Variants in PRKCE observed in about 807,000 individuals in gnomAD.
The protein encoded by PRKCE is protein kinase C epsilon type.
PRKCE carries 16 observed loss-of-function variants against 85.4 expected under a neutral mutation model. The ratio of observed to expected loss-of-function variants is 0.19; its 90% CI spans 0.13 to 0.28. The LOEUF is 0.28. PRKCE is among the 10% of genes least tolerant of loss of function. The pLI is 1.00. For missense variants in PRKCE, 573 were observed against 975.2 expected, an observed-to-expected ratio of 0.59 and a Z score of 5.49; for synonymous variants, 388 against 371.5, an observed-to-expected ratio of 1.04 and a Z score of -0.51.
At chr2:46,092,785 A>T (rs1001495752) in intron 11 of PRKCE, among the ~76,000 whole-genome samples, 1 of 152,170 alleles carries the variant, frequency 6.6e-6, no homozygotes, top group South Asian at 2.1e-4. Flanking sequence ...TAGTCCTGCC[A>T]TCCTGCTAGT....
chr2:45,864,113 T>G (rs571245440), intron 2 of PRKCE, among the ~76,000 whole-genome samples: 10 of 152,304 alleles, frequency 6.6e-5, no homozygotes, highest in African/African-American at 2.4e-4. Flanking sequence ...ATGCCAGGAT[T>G]CAGCCTGGGT....
At chr2:46,009,134 A>T (rs567101953) in intron 9 of PRKCE, among the ~76,000 whole-genome samples, 10 of 152,238 alleles carry the variant, frequency 6.6e-5, no homozygotes, top group Non-Finnish European at 1.0e-4. Context: ...AAGAACATAG[A>T]ACTGTTAATT....
chr2:45,908,296 G>C (rs901487366), intron 2 of PRKCE, among the ~76,000 whole-genome samples: 18 of 152,198 alleles, frequency 1.2e-4, no homozygotes, highest in African/African-American at 4.3e-4. Flanking sequence ...GAAGAAGCAA[G>C]TGCTGAAGAG....
intron 10 of PRKCE, among the ~76,000 whole-genome samples, chr2:46,072,955 C>G (rs1264850581): frequency 6.6e-6 from 1 of 152,190 alleles, no homozygotes; most frequent in East Asian, 1.9e-4. Flanking sequence ...TCTGCTGGTT[C>G]CCAAACCCCA....
chr2:46,034,893 T>G (rs1707761974), intron 10 of PRKCE, among the ~76,000 whole-genome samples: 2 of 152,278 alleles, frequency 1.3e-5, no homozygotes, highest in South Asian at 4.1e-4. Flanking sequence ...CAAACCATTC[T>G]GAGACTGCTA....
intron 2 of PRKCE, among the ~76,000 whole-genome samples, chr2:45,935,862 C>A (rs568239704): frequency 6.6e-6 from 1 of 152,090 alleles, no homozygotes; most frequent in South Asian, 2.1e-4. Context: ...TCTGGTTTGT[C>A]TGCTGTGTCT....
chr2:46,050,433 T>C (rs1708785556), intron 10 of PRKCE, among the ~76,000 whole-genome samples: 1 of 152,174 alleles, frequency 6.6e-6, no homozygotes, highest in Non-Finnish European at 1.5e-5. Flanking sequence ...CACCTTGGAG[T>C]TTAATGGGTT....
At chr2:45,696,422 C>A (rs187072783) in intron 1 of PRKCE, among the ~76,000 whole-genome samples, 10 of 152,158 alleles carry the variant, frequency 6.6e-5, no homozygotes, top group African/African-American at 1.2e-4. Flanking sequence ...GTCCCTGGGG[C>A]ATTTGGCAGG....
At chr2:45,981,814 G>C (rs1702912501) in intron 5 of PRKCE, among the ~76,000 whole-genome samples, 1 of 152,208 alleles carries the variant, frequency 6.6e-6, no homozygotes, top group African/African-American at 2.4e-5. Flanking sequence ...GAGTACACTA[G>C]TCCCTCCCTC....
chr2:45,817,572 T>C (rs1026385151), intron 1 of PRKCE, among the ~76,000 whole-genome samples: 2 of 151,982 alleles, frequency 1.3e-5, no homozygotes, highest in Non-Finnish European at 2.9e-5. Flanking sequence ...TGGGCGCCTG[T>C]AGTCCCAGCT....
intron 1 of PRKCE, among the ~76,000 whole-genome samples, chr2:45,696,095 C>G (rs748302592): frequency 1.1e-4 from 12 of 106,646 alleles, no homozygotes; most frequent in Non-Finnish European, 5.4e-5. Context: ...CCCCTCCCCC[C>G]ACCCCACAAC....
chr2:46,007,453 T>C lies in PRKCE; in HGVS notation c.1064-9T>C. On this transcript the variant is annotated splice_polypyrimidine_tract_variant and intron_variant, in intron 8 of 14. Transcript: ENST00000306156. ...CACTAATGCAATTTCTTGTTCCCCT[T>C]GGCCCTAGAAATAAAAGAACTTGAG... The C allele has an allele frequency of 6.3e-7, 1 of 1,599,680 alleles. No homozygotes were observed. Among genetic ancestry groups the C allele is most frequent in the Non-Finnish European group, 8.5e-7 (1 of 1,179,848 alleles).
At chr2:45,789,423 G>T (rs994968592) in intron 1 of PRKCE, among the ~76,000 whole-genome samples, 5 of 152,212 alleles carry the variant, frequency 3.3e-5, no homozygotes, top group African/African-American at 1.2e-4. Flanking sequence ...GGACCATAGT[G>T]AGACCTTGGC....
intron 1 of PRKCE, among the ~76,000 whole-genome samples, chr2:45,694,899 A>C (rs1442923343): frequency 1.3e-5 from 2 of 152,160 alleles, no homozygotes; most frequent in Non-Finnish European, 2.9e-5. Flanking sequence ...AGAGTGGCTG[A>C]GAGCTACTAG....
At chr2:45,970,055 T>C (rs1188150103) in intron 2 of PRKCE, among the ~76,000 whole-genome samples, 1 of 152,184 alleles carries the variant, frequency 6.6e-6, no homozygotes, top group African/African-American at 2.4e-5. Flanking sequence ...TGACTTAGAG[T>C]TAATTCCTAA....
intron 2 of PRKCE, among the ~76,000 whole-genome samples, chr2:45,971,439 C>T (rs1026334124): frequency 3.3e-5 from 5 of 152,102 alleles, no homozygotes; most frequent in South Asian, 2.1e-4. Context: ...ATTTTATTTA[C>T]GTCAAGGTAG....
At chr2:45,966,827 GTT>G (rs1701764591) in intron 2 of PRKCE, among the ~76,000 whole-genome samples, 1 of 152,098 alleles carries the variant, frequency 6.6e-6, no homozygotes, top group African/African-American at 2.4e-5. Context: ...ACCCCAGCAG[GTT>G]GGGGGCCACA....
At chr2:45,835,401 G>C (rs1423298093) in intron 1 of PRKCE, among the ~76,000 whole-genome samples, 2 of 152,166 alleles carry the variant, frequency 1.3e-5, no homozygotes, top group Non-Finnish European at 1.5e-5. Context: ...CCGTCACCCA[G>C]GACGTTCCCC....
At chr2:45,938,179 G>T (rs188716435) in intron 2 of PRKCE, among the ~76,000 whole-genome samples, 2 of 152,268 alleles carry the variant, frequency 1.3e-5, no homozygotes, top group Non-Finnish European at 2.9e-5. Context: ...TTAGCCTCAG[G>T]GCAGGGCTGA....
Sources: allele counts gnomAD v4.1 joint callset (sites outside exome capture counted in the v4.1 genomes callset), GRCh38; gene constraint gnomAD v4.1.1; transcripts MANE v1.5; gene names NCBI Gene and HGNC (gene_info 2026-07-23, HGNC 2026-07-21).